Variants in RFPL1 observed in about 807,000 individuals in gnomAD.
RFPL1 encodes ret finger protein-like 1.
RFPL1 carries 6 observed loss-of-function variants against 9.6 expected under a neutral mutation model. The ratio of observed to expected loss-of-function variants is 0.62; its 90% confidence interval spans 0.34 to 1.23. The LOEUF (loss-of-function observed/expected upper bound fraction) is 1.23. Ranked by LOEUF, RFPL1 falls within the 50% of genes most tolerant of loss-of-function variation. The pLI is 0.03. For missense variants in RFPL1, 352 were observed against 398.4 expected (o/e 0.88, Z 0.99); for synonymous variants, 145 against 149.4 (o/e 0.97, Z 0.22).
the RFPL1 span, among the ~76,000 whole-genome samples, chr22:29,396,386 GC>G: frequency 2.0e-5 from 3 of 152,160 alleles, no homozygotes; most frequent in African/African-American, 7.2e-5. Flanking sequence ...ATGCAAGGAG[GC>G]CCCCACCAGA....
At chr22:29,405,150 A>G in the RFPL1 span, among the ~76,000 whole-genome samples, 1 of 152,204 alleles carries the variant, frequency 6.6e-6, no homozygotes, top group East Asian at 1.9e-4. Flanking sequence ...AACATTGATT[A>G]AAACGTTAAA....
chr22:29,430,503 A>G, the RFPL1 span, among the ~76,000 whole-genome samples: 1 of 152,196 alleles, frequency 6.6e-6, no homozygotes, highest in Admixed American at 6.6e-5. Flanking sequence ...TAAAAATCTT[A>G]GTATTAATAC....
chr22:29,420,339 C>G, the RFPL1 span, among the ~76,000 whole-genome samples: 15 of 152,256 alleles, frequency 9.9e-5, no homozygotes, highest in Middle Eastern at 6.8e-3. Context: ...CCCCTTCTCT[C>G]TCTTTTTTTG....
upstream of RFPL1, chr22:29,437,999 T>C: frequency 3.0e-6 from 1 of 332,430 alleles, no homozygotes; most frequent in Admixed American, 5.3e-5. Flanking sequence ...AACTCTGTTG[T>C]CCAGGTTGGA....
upstream of RFPL1, among the ~76,000 whole-genome samples, chr22:29,435,180 T>G (rs2062802873): frequency 6.6e-6 from 1 of 152,224 alleles, no homozygotes; most frequent in Admixed American, 6.5e-5. Flanking sequence ...TAAAAAGTAT[T>G]GTTACAGTTG....
In RFPL1 at chr22:29,441,389, G is replaced by T. The variant is rs531245500; in HGVS notation, c.374-153G>T. On this transcript the variant is annotated intron_variant, in intron 1 of 1. Coordinates refer to ENST00000354373, the Ensembl canonical transcript of RFPL1. ...AGCATACCTATGAGAATTTGAACTAGTCAGGGAAGTTGCCTCATGAAAAGT... is the reference window on the plus strand; with the variant it reads ...AGCATACCTATGAGAATTTGAACTATTCAGGGAAGTTGCCTCATGAAAAGT... 3.1e-5 allele frequency: 26 copies of T among 826,020 alleles called. 2 individuals are homozygous for T. The South Asian group carries it at 4.4e-4, about 14-fold the overall frequency. 51.2% of individuals were successfully genotyped at this position (826,020 alleles called of 1,614,324 possible). A position where few individuals can be genotyped will look rare whatever the true frequency, so the allele number is the denominator to read the frequency against.
At chr22:29,426,205 C>G in the RFPL1 span, among the ~76,000 whole-genome samples, 1 of 151,788 alleles carries the variant, frequency 6.6e-6, no homozygotes, top group Admixed American at 6.6e-5. Context: ...TGCCTGTAAT[C>G]CCAGCTATTT....
At chr22:29,442,253 T>A in exon 2 of RFPL1, 1 of 591,950 alleles carries the variant, frequency 1.7e-6, no homozygotes, top group Non-Finnish European at 2.8e-6. Flanking sequence ...ATGATTATAC[T>A]TAATCTAATT....
At chr22:29,426,884 CA>C in the RFPL1 span, among the ~76,000 whole-genome samples, 2 of 152,176 alleles carry the variant, frequency 1.3e-5, no homozygotes, top group Non-Finnish European at 2.9e-5. Flanking sequence ...GGACAGCACC[CA>C]GGGGGACATC....
chr22:29,403,838 T>C, the RFPL1 span, among the ~76,000 whole-genome samples: 3 of 152,326 alleles, frequency 2.0e-5, no homozygotes, highest in South Asian at 2.1e-4. Flanking sequence ...AAATGCAAAA[T>C]GGCTCGACTC....
At chr22:29,401,617 CTT>C in the RFPL1 span, among the ~76,000 whole-genome samples, 2 of 152,332 alleles carry the variant, frequency 1.3e-5, no homozygotes, top group Admixed American at 1.3e-4. Flanking sequence ...GATCACAAAA[CTT>C]TTCCTTCCAC....
At chr22:29,399,991 T>G in the RFPL1 span, among the ~76,000 whole-genome samples, 3 of 132,282 alleles carry the variant, frequency 2.3e-5, no homozygotes, top group Non-Finnish European at 4.6e-5. Flanking sequence ...AAGCTTTTCT[T>G]TTCTTTTTTT....
exon 1 of RFPL1, chr22:29,438,701 C>T: frequency 6.4e-7 from 1 of 1,551,010 alleles, no homozygotes; most frequent in South Asian, 1.3e-5. Context: ...CTTCAAATCT[C>T]TGAAGACGGG....
At chr22:29,397,867 C>A in the RFPL1 span, among the ~76,000 whole-genome samples, 1 of 152,164 alleles carries the variant, frequency 6.6e-6, no homozygotes, top group Non-Finnish European at 1.5e-5. Flanking sequence ...CCAGCCCGGG[C>A]CTTGGCTAGT....
chr22:29,390,828 G>A, the RFPL1 span, among the ~76,000 whole-genome samples: 1 of 151,246 alleles, frequency 6.6e-6, no homozygotes, highest in Admixed American at 6.6e-5. Flanking sequence ...TGGCTCTCCT[G>A]ACCTTGTGAT....
chr22:29,420,626 GTTTTTTGCTTTTTTTTTTT>G, the RFPL1 span, among the ~76,000 whole-genome samples: 2 of 82,588 alleles, frequency 2.4e-5, no homozygotes, highest in East Asian at 4.0e-4. Flanking sequence ...ACTGCAGATG[GTTTTTTGCTTTTTTTTTTT>G]TTTTTTTTTT....
the RFPL1 span, among the ~76,000 whole-genome samples, chr22:29,409,089 T>C: frequency 2.6e-5 from 4 of 152,130 alleles, no homozygotes; most frequent in Non-Finnish European, 5.9e-5. Context: ...AACAGCTTTA[T>C]TTAGACATAG....
At chr22:29,420,664 G>A in the RFPL1 span, among the ~76,000 whole-genome samples, 150 of 100,302 alleles carry the variant, frequency 1.5e-3, no homozygotes, top group African/African-American at 5.4e-3. Context: ...TTTTTGAGAC[G>A]AAGTCTCACT....
the RFPL1 span, among the ~76,000 whole-genome samples, chr22:29,390,261 A>C: frequency 6.6e-6 from 1 of 152,202 alleles, no homozygotes; most frequent in Non-Finnish European, 1.5e-5. Context: ...ATTATCAAAA[A>C]GTTGTTAATA....
Sources: gnomAD v4.1 joint callset for allele counts (sites outside exome capture counted in the v4.1 genomes callset) on GRCh38, gnomAD v4.1.1 for gene constraint, MANE v1.5 for transcripts, NCBI Gene and HGNC (gene_info 2026-07-23, HGNC 2026-07-21) for gene names.